Variants in EXOC4 observed in about 807,000 individuals in gnomAD.
EXOC4 encodes the protein SEC8-like 1.
A neutral mutation model predicts 107.2 loss-of-function variants in EXOC4; 71 were observed. The observed-to-expected ratio is 0.66, with a 90% confidence interval of 0.55 to 0.81. The LOEUF is 0.81. Ranked by LOEUF, EXOC4 falls within the 30% of genes least tolerant of loss-of-function variation. The pLI, the probability that EXOC4 is intolerant of heterozygous loss-of-function variation, is 0.00. For missense variants in EXOC4, 1,108 were observed against 1,189.6 expected, an observed-to-expected ratio of 0.93 and a Z score of 1.01; for synonymous variants, 456 against 441.2, an observed-to-expected ratio of 1.03 and a Z score of -0.42.
intron 10 of EXOC4, among the ~76,000 whole-genome samples, chr7:133,764,880 A>G (rs1233810810): frequency 6.6e-6 from 1 of 152,054 alleles, no homozygotes; most frequent in Non-Finnish European, 1.5e-5. Context: ...AATTCAAAAT[A>G]CAAAGACTGG....
the EXOC4 span, among the ~76,000 whole-genome samples, chr7:134,081,971 C>G: frequency 3.3e-5 from 5 of 152,142 alleles, no homozygotes; most frequent in Admixed American, 6.6e-5. Flanking sequence ...GACCCTACAC[C>G]AAGCATGTTC....
intron 10 of EXOC4, among the ~76,000 whole-genome samples, chr7:133,688,051 G>A (rs1794343619): frequency 6.6e-6 from 1 of 152,088 alleles, no homozygotes; most frequent in Admixed American, 6.6e-5. Context: ...ATAGTTTAGG[G>A]AACCATTTAG....
intron 10 of EXOC4, among the ~76,000 whole-genome samples, chr7:133,668,972 C>G (rs1267390876): frequency 1.4e-5 from 2 of 143,882 alleles, no homozygotes; most frequent in African/African-American, 5.1e-5. Context: ...ATGTGGGTCC[C>G]TTTTGTTATG....
chr7:133,785,721 G>A (rs1472519422), intron 10 of EXOC4, among the ~76,000 whole-genome samples: 2 of 151,398 alleles, frequency 1.3e-5, no homozygotes, highest in East Asian at 3.9e-4. Context: ...TGCCCAGGCT[G>A]GAGTGCAGTG....
chr7:133,526,905 G>A (rs1000700884), intron 9 of EXOC4, among the ~76,000 whole-genome samples: 1 of 152,106 alleles, frequency 6.6e-6, no homozygotes, highest in South Asian at 2.1e-4. Context: ...CCAGGAGGTG[G>A]AGGTTGCAGT....
intron 10 of EXOC4, among the ~76,000 whole-genome samples, chr7:133,738,831 G>A (rs1795501883): frequency 6.6e-6 from 1 of 152,092 alleles, no homozygotes; most frequent in Non-Finnish European, 1.5e-5. Flanking sequence ...AAGTTGTGTT[G>A]GTACTTCCGT....
intron 10 of EXOC4, among the ~76,000 whole-genome samples, chr7:133,680,695 C>T (rs191039875): frequency 1.8e-4 from 27 of 152,306 alleles, no homozygotes; most frequent in Non-Finnish European, 8.8e-5. Flanking sequence ...ACCTTTCAAA[C>T]ATGCCAAAGG....
chr7:133,361,808 A>G (rs1796142817), intron 6 of EXOC4, among the ~76,000 whole-genome samples: 1 of 152,218 alleles, frequency 6.6e-6, no homozygotes, highest in Non-Finnish European at 1.5e-5. Context: ...TCAAAATAAA[A>G]TGAGTTGCAA....
At chr7:133,547,492 T>C (rs1251340313) in intron 9 of EXOC4, among the ~76,000 whole-genome samples, 1 of 152,186 alleles carries the variant, frequency 6.6e-6, no homozygotes, top group Non-Finnish European at 1.5e-5. Flanking sequence ...CTTCCTCTTA[T>C]GAAAAATTTC....
At chr7:134,045,957 A>G (rs1377024408) in intron 17 of EXOC4, among the ~76,000 whole-genome samples, 1 of 152,194 alleles carries the variant, frequency 6.6e-6, no homozygotes, top group East Asian at 1.9e-4. Context: ...ATAACAGGGT[A>G]TGAGACAGTT....
At chr7:133,796,273 C>G (rs957064312) in intron 10 of EXOC4, among the ~76,000 whole-genome samples, 1 of 152,224 alleles carries the variant, frequency 6.6e-6, no homozygotes, top group African/African-American at 2.4e-5. Flanking sequence ...GGATCCCAGA[C>G]TGAGGTTGCC....
chr7:134,009,416 C>T (rs1287316354), intron 17 of EXOC4, among the ~76,000 whole-genome samples: 5 of 152,150 alleles, frequency 3.3e-5, no homozygotes, highest in African/African-American at 1.2e-4. Flanking sequence ...TCTGTTACTC[C>T]ATTTGTTCCA....
chr7:133,641,684 A>G (rs1368639734), intron 10 of EXOC4, among the ~76,000 whole-genome samples: 3 of 152,160 alleles, frequency 2.0e-5, no homozygotes, highest in Non-Finnish European at 4.4e-5. Context: ...GGCATCCATC[A>G]ATATCTTTTT....
intron 7 of EXOC4, among the ~76,000 whole-genome samples, chr7:133,466,243 A>C (rs1047158324): frequency 1.3e-5 from 2 of 152,202 alleles, no homozygotes; most frequent in African/African-American, 2.4e-5. Flanking sequence ...CTGTAGGAAA[A>C]AAAAGTGGAA....
At chr7:133,977,523 A>T (rs1793866948) in intron 14 of EXOC4, among the ~76,000 whole-genome samples, 1 of 152,178 alleles carries the variant, frequency 6.6e-6, no homozygotes, top group Admixed American at 6.5e-5. Context: ...ACGGTGCCAT[A>T]ATTTGAATGT....
the EXOC4 span, among the ~76,000 whole-genome samples, chr7:134,073,836 C>T: frequency 6.6e-6 from 1 of 152,098 alleles, no homozygotes; most frequent in East Asian, 1.9e-4. Context: ...TGAAGCAGGT[C>T]AGGAGAGCGG....
At chr7:133,690,611 G>C (rs1794398492) in intron 10 of EXOC4, among the ~76,000 whole-genome samples, 3 of 152,172 alleles carry the variant, frequency 2.0e-5, no homozygotes, top group Admixed American at 2.0e-4. Context: ...CATGTGGTGG[G>C]AGGAAAAACT....
intron 6 of EXOC4, among the ~76,000 whole-genome samples, chr7:133,372,350 C>T (rs964712571): frequency 6.6e-6 from 1 of 152,196 alleles, no homozygotes; most frequent in Non-Finnish European, 1.5e-5. Flanking sequence ...GCTACTATTA[C>T]ACCTCCTTTC....
At chr7:133,860,563 C>T (rs573603510) in intron 11 of EXOC4, among the ~76,000 whole-genome samples, 90 of 152,246 alleles carry the variant, frequency 5.9e-4, no homozygotes, top group Non-Finnish European at 1.1e-3. Context: ...TGACTTTGGG[C>T]AAATATTTTC....
Sources: gnomAD v4.1 joint callset for allele counts (sites outside exome capture counted in the v4.1 genomes callset) on GRCh38, gnomAD v4.1.1 for gene constraint, MANE v1.5 for transcripts, NCBI Gene and HGNC (gene_info 2026-07-23, HGNC 2026-07-21) for gene names.